Variants in AP1B1 observed in about 807,000 individuals in gnomAD.
The protein encoded by AP1B1 is AP-1 complex subunit beta-1.
In AP1B1, 36 loss-of-function variants were observed where a neutral mutation model predicts 104.3. The ratio of observed to expected loss-of-function variants is 0.35; its 90% confidence interval spans 0.26 to 0.46. The LOEUF is 0.46. Among genes scored for constraint, AP1B1 ranks in the 20% least tolerant of loss-of-function variants. The probability of loss-of-function intolerance (pLI) is 1.00; values close to 1 mark genes in which losing one functional copy is unlikely to be tolerated. For missense variants in AP1B1, 901 were observed against 1,247.9 expected, an observed-to-expected ratio of 0.72 and a Z score of 4.19; for synonymous variants, 504 against 517.5, an observed-to-expected ratio of 0.97 and a Z score of 0.35.
intron 1 of AP1B1, among the ~76,000 whole-genome samples, chr22:29,368,713 T>C (rs1436139003): frequency 6.7e-6 from 1 of 149,584 alleles, no homozygotes; most frequent in Non-Finnish European, 1.5e-5. Context: ...TTCCCCCTTC[T>C]GACGAGGAGG....
At chr22:29,375,851 G>C (rs2062331825) in intron 1 of AP1B1, among the ~76,000 whole-genome samples, 1 of 152,166 alleles carries the variant, frequency 6.6e-6, no homozygotes, top group African/African-American at 2.4e-5. Context: ...AAAGAAGGGT[G>C]GGAGGCCTAG....
At position 29,328,564 on chromosome 22, in the gene AP1B1, T is replaced by C. The variant is rs953685407; in HGVS notation, c.*257A>G. 1 of 465,034 alleles carries C rather than the reference T, an allele frequency of 2.2e-6. No individual in the cohort carries two copies. The highest frequency in any genetic ancestry group is 2.0e-5 in the African/African-American group (1 of 50,478). 28.8% of individuals were successfully genotyped at this position (465,034 alleles called of 1,614,324 possible). On this transcript the variant is annotated 3_prime_UTR_variant, in exon 23 of 23. Transcript: ENST00000357586. This position sits in a 1 kb window ranked among gnomAD's most constrained non-coding sequence, Gnocchi z 4.1. ...GCTGCTCTGGCTCTGTTTCCTTTGG[T>C]CCCCACCTCACTTAACCCCACATCA...
chr22:29,329,435 G>T, intron 22 of AP1B1: 1 of 1,343,366 alleles, frequency 7.4e-7, no homozygotes, highest in African/African-American at 1.5e-5. Context: ...CTAAAGCACT[G>T]GTTCTGCAGG....
chr22:29,350,845 A>G (rs901560390), intron 9 of AP1B1, among the ~76,000 whole-genome samples: 1 of 152,200 alleles, frequency 6.6e-6, no homozygotes, highest in Non-Finnish European at 1.5e-5. Flanking sequence ...AGTGTTCAAC[A>G]GGCAGGGCCC....
Position 29,349,393 on chromosome 22 carries a change from C to A in AP1B1, c.1272-10G>T, listed in dbSNP as rs1467140539. 1 of 1,612,974 alleles carries A rather than the reference C, an allele frequency of 6.2e-7. No homozygotes were observed. ...AATCACACTCTCATACCTGGGAGACCAGGGCACAGTTGGTATGGGAGCCCT... is the reference window on the plus strand; with the variant it reads ...AATCACACTCTCATACCTGGGAGACAAGGGCACAGTTGGTATGGGAGCCCT... On this transcript the variant is annotated splice_polypyrimidine_tract_variant and intron_variant, in intron 10 of 22. Transcript: ENST00000357586.
chr22:29,351,025 C>A, intron 9 of AP1B1, 146 bp downstream of exon 9: 1 of 761,316 alleles, frequency 1.3e-6, no homozygotes, highest in Non-Finnish European at 2.2e-6. Flanking sequence ...CAGATCTGCA[C>A]AATGCTTGCC....
At chr22:29,334,674 G>A (rs2061612043) in intron 16 of AP1B1, among the ~76,000 whole-genome samples, 1 of 152,196 alleles carries the variant, frequency 6.6e-6, no homozygotes. Flanking sequence ...GGCTGACGTT[G>A]AGTCCTCAGA....
At chr22:29,339,679 C>T (rs1030349114) in intron 15 of AP1B1, 75 bp downstream of exon 15, 5 of 1,530,270 alleles carry the variant, frequency 3.3e-6, no homozygotes, top group Non-Finnish European at 4.5e-6. Flanking sequence ...CCCGCCCCCG[C>T]CCCTTGGGAT....
chr22:29,373,710 C>G (rs5763173), intron 1 of AP1B1, among the ~76,000 whole-genome samples: 53,694 of 151,942 alleles, frequency 0.35, 10,386 homozygotes, highest in East Asian at 0.67. Flanking sequence ...CGAGACTGGC[C>G]TGGCTAACAT....
chr22:29,332,160 C>T lies in AP1B1; in HGVS notation c.2310-244G>A. The T allele has an allele frequency of 1.4e-5, 6 of 434,850 alleles. 1 individual carries two copies. In the South Asian group the frequency reaches 2.5e-4, roughly 18 times the overall value. 26.9% of individuals were successfully genotyped at this position (434,850 alleles called of 1,614,324 possible). ...TGCTCTGCCCCAGCCTGGCTGCAGG[C>T]CTGAAGCCCAGCTCTGTTCCTCTCC... On this transcript the variant is annotated intron_variant, in intron 17 of 22. Transcript: ENST00000357586.
chr22:29,342,201 C>T (rs1487503250), intron 12 of AP1B1, 84 bp downstream of exon 12: 5 of 1,168,782 alleles, frequency 4.3e-6, no homozygotes, highest in Non-Finnish European at 6.2e-6. Flanking sequence ...GCGGGCCTGG[C>T]TTCCAGGTCT....
At chr22:29,343,409 T>G (rs2061742848) in intron 11 of AP1B1, among the ~76,000 whole-genome samples, 1 of 152,224 alleles carries the variant, frequency 6.6e-6, no homozygotes, top group Non-Finnish European at 1.5e-5. Context: ...GCAGGCAGAA[T>G]GGAGGGCACG....
intron 1 of AP1B1, among the ~76,000 whole-genome samples, chr22:29,382,432 C>T (rs2062451826): frequency 6.6e-6 from 1 of 152,152 alleles, no homozygotes; most frequent in Non-Finnish European, 1.5e-5. Context: ...CTTTCGTGTA[C>T]CAGAAACACT....
intron 7 of AP1B1, among the ~76,000 whole-genome samples, chr22:29,353,108 C>G (rs534116112): frequency 6.6e-6 from 1 of 152,126 alleles, no homozygotes; most frequent in Non-Finnish European, 1.5e-5. Flanking sequence ...TCAGTAAAGA[C>G]GAGAGTGGGG....
At position 29,361,107 on chromosome 22, in the gene AP1B1, T is replaced by C. The variant is rs1050098405; in HGVS notation, c.144-1148A>G. ...TGGAAGAACAAAGATGTTTCTCCTCTGTGAGGAGGTGACAGTGGTGTGCTG... is the reference window on the plus strand; with the variant it reads ...TGGAAGAACAAAGATGTTTCTCCTCCGTGAGGAGGTGACAGTGGTGTGCTG... On this transcript the variant is annotated intron_variant, in intron 3 of 22. Coordinates refer to ENST00000357586, the MANE Select transcript of AP1B1 (RefSeq NM_001127.4). 2.2e-4 allele frequency among the ~76,000 whole-genome samples: 33 copies of C among 152,254 alleles called. 1 individual carries two copies. The highest frequency in any genetic ancestry group is 1.9e-3 in the Admixed American group (29 of 15,286).
chr22:29,367,071 C>T lies in AP1B1; in HGVS notation c.37+136G>A, dbSNP rs2062154477. 10 of 722,320 alleles carry T rather than the reference C, an allele frequency of 1.4e-5. No homozygotes were observed. The East Asian group carries it at 2.6e-4, about 19-fold the overall frequency. 44.7% of individuals were successfully genotyped at this position (722,320 alleles called of 1,614,324 possible). ...TCAACAGTTCAATTTTCTAGATCTACCACAAGCTCTAGGCCATTCCTGCCA... is the reference window on the plus strand; with the variant it reads ...TCAACAGTTCAATTTTCTAGATCTATCACAAGCTCTAGGCCATTCCTGCCA... On this transcript the variant is annotated intron_variant, in intron 2 of 22. Coordinates refer to ENST00000357586, the MANE Select transcript of AP1B1 (RefSeq NM_001127.4).
chr22:29,365,177 G>T (rs1375665224), intron 2 of AP1B1, among the ~76,000 whole-genome samples: 3 of 152,164 alleles, frequency 2.0e-5, no homozygotes, highest in Non-Finnish European at 4.4e-5. Context: ...TGAAAACCAG[G>T]TCTGCTAGCT....
chr22:29,371,547 T>C (rs1385689444), intron 1 of AP1B1, among the ~76,000 whole-genome samples: 2 of 152,046 alleles, frequency 1.3e-5, no homozygotes, highest in East Asian at 1.9e-4. Flanking sequence ...CTGGCTAACA[T>C]GGTGAAACCC....
rs181044972 is a variant in AP1B1, at chr22:29,381,112, T to C, written c.-28+7312A>G. ...GCTATTCACTTTGCTAGGAAGGCTC[T>C]TTCTCCAGACAGCCTCATGGCTCAG... On this transcript the variant is annotated intron_variant, in intron 1 of 22. Transcript: ENST00000357586. 6.2e-3 allele frequency among the ~76,000 whole-genome samples: 939 copies of C among 152,326 alleles called. 5 individuals carry two copies. Among genetic ancestry groups the C allele is most frequent in the Non-Finnish European group, 9.5e-3 (646 of 68,032 alleles).
Sources: allele counts gnomAD v4.1 joint callset (sites outside exome capture counted in the v4.1 genomes callset), GRCh38; gene constraint gnomAD v4.1.1; non-coding constraint Gnocchi (gnomAD v3.1); transcripts MANE v1.5; gene names NCBI Gene and HGNC (gene_info 2026-07-23, HGNC 2026-07-21).